Variants in SNX18 observed in about 807,000 individuals in gnomAD.
The protein encoded by SNX18 is sorting nexin 18.
In SNX18, 35 loss-of-function variants were observed where a neutral mutation model predicts 48.7. The observed-to-expected ratio is 0.72, with a 90% CI of 0.55 to 0.95. The LOEUF is 0.95. SNX18 is among the 40% of genes least tolerant of loss of function. SNX18 has a pLI of 0.00. For synonymous variants in SNX18, 492 were observed against 384.7 expected (o/e 1.28, Z -3.26); for missense variants, 824 against 871.0 (o/e 0.95, Z 0.68).
In SNX18 at chr5:54,543,521, A is replaced by C. The variant is rs956326256; in HGVS notation, c.*89A>C. The C allele has an allele frequency of 3.4e-6, 5 of 1,486,322 alleles. No individual in the cohort carries two copies. The highest frequency in any genetic ancestry group is 1.4e-5 in the African/African-American group (1 of 71,656). The allele number at this position is 1,486,322 out of a possible 1,614,324, so 92.1% of individuals were successfully genotyped here. ...TGCTGTCAAAGAGCTATTGCCAGCT[A>C]TCAGTGGTGGTACAAGGACGGTTTT... On this transcript the variant is annotated 3_prime_UTR_variant, in exon 2 of 2. Transcript: ENST00000381410.
the SNX18 span, among the ~76,000 whole-genome samples, chr5:54,624,823 G>A: frequency 1.3e-5 from 2 of 152,164 alleles, no homozygotes; most frequent in Non-Finnish European, 2.9e-5. Flanking sequence ...CTCAAACTCA[G>A]TCTCCAGCAG....
At chr5:54,615,000 A>G in the SNX18 span, among the ~76,000 whole-genome samples, 2 of 152,096 alleles carry the variant, frequency 1.3e-5, no homozygotes, top group African/African-American at 4.8e-5. Flanking sequence ...AACTTGTCCA[A>G]CTCACCCAAC....
At chr5:54,621,572 G>C in the SNX18 span, among the ~76,000 whole-genome samples, 1 of 152,198 alleles carries the variant, frequency 6.6e-6, no homozygotes, top group African/African-American at 2.4e-5. Context: ...TCCCTGTTTA[G>C]TGACCACTGC....
chr5:54,637,679 A>G, the SNX18 span, among the ~76,000 whole-genome samples: 1 of 152,168 alleles, frequency 6.6e-6, no homozygotes, highest in African/African-American at 2.4e-5. Context: ...CTGATAATTT[A>G]TTTTTTAAGC....
the SNX18 span, among the ~76,000 whole-genome samples, chr5:54,640,239 GT>G: frequency 6.6e-6 from 1 of 151,060 alleles, no homozygotes; most frequent in Non-Finnish European, 1.5e-5. Flanking sequence ...GTAAGACAAG[GT>G]TTCACTCTCA....
the SNX18 span, among the ~76,000 whole-genome samples, chr5:54,560,052 G>A: frequency 6.6e-6 from 1 of 152,210 alleles, no homozygotes; most frequent in Non-Finnish European, 1.5e-5. Flanking sequence ...TTCAGCCATT[G>A]TGAAAGACAG....
the SNX18 span, among the ~76,000 whole-genome samples, chr5:54,590,653 T>G: frequency 6.6e-6 from 1 of 152,144 alleles, no homozygotes; most frequent in East Asian, 1.9e-4. Context: ...GCAAACCTAT[T>G]TAGATATCCA....
chr5:54,600,352 A>C, the SNX18 span, among the ~76,000 whole-genome samples: 1 of 152,222 alleles, frequency 6.6e-6, no homozygotes, highest in African/African-American at 2.4e-5. Flanking sequence ...GGTTGCAGAG[A>C]AATAGGGACA....
Position 54,519,275 on chromosome 5 carries a change from C to A in SNX18, c.1323C>A (p.Ser441Arg). The stretch of plus-strand genomic sequence containing the variant: ...GCTTCACCAAGAAGATGGACGACAG[C>A]GCGCTGCAGCTCAACCACACGGCCA... ...FKCFTKKMDD[S>R]ALQLNHTANE... Residue 441 changes from serine to arginine, a missense_variant, in exon 1 of 2, where the codon AGC becomes AGA. Coordinates refer to ENST00000381410, the MANE Select transcript of SNX18 (RefSeq NM_001102575.2). The A allele has an allele frequency of 6.2e-7, 1 of 1,614,138 alleles. No individual in the cohort carries two copies. The highest frequency in any genetic ancestry group is 8.5e-7 in the Non-Finnish European group (1 of 1,180,034).
chr5:54,627,016 T>G, the SNX18 span, among the ~76,000 whole-genome samples: 1 of 152,246 alleles, frequency 6.6e-6, no homozygotes, highest in Non-Finnish European at 1.5e-5. Flanking sequence ...AGCTGTTCAC[T>G]GATGGATTCC....
chr5:54,617,491 T>A, the SNX18 span, among the ~76,000 whole-genome samples: 1 of 152,226 alleles, frequency 6.6e-6, no homozygotes, highest in Admixed American at 6.5e-5. Flanking sequence ...ATTCTCCTTG[T>A]CTGTCAGTGG....
chr5:54,572,756 A>G, the SNX18 span, among the ~76,000 whole-genome samples: 612 of 15,280 alleles, frequency 0.04, 10 homozygotes, highest in African/African-American at 0.092. Context: ...GTGTGTGTGT[A>G]TATATATATA....
the SNX18 span, among the ~76,000 whole-genome samples, chr5:54,568,665 ACTCAGCCCTCTGAGCC>A: frequency 3.3e-5 from 5 of 152,096 alleles, no homozygotes; most frequent in African/African-American, 1.2e-4. Context: ...AAGAGACTAG[ACTCAGCCCTCTGAGCC>A]CTAGTGGGCT....
chr5:54,582,065 TG>T, the SNX18 span, among the ~76,000 whole-genome samples: 2 of 152,178 alleles, frequency 1.3e-5, no homozygotes, highest in Admixed American at 1.3e-4. Flanking sequence ...CTCTATACCC[TG>T]GCAAGGCCTG....
At chr5:54,542,462 G>A (rs892035428) in intron 1 of SNX18, among the ~76,000 whole-genome samples, 4 of 152,142 alleles carry the variant, frequency 2.6e-5, no homozygotes, top group Non-Finnish European at 2.9e-5. Flanking sequence ...TGGGTCTCCC[G>A]ATGCAACGTG....
chr5:54,550,780 T>C (rs1762642361), downstream of SNX18, among the ~76,000 whole-genome samples: 1 of 152,118 alleles, frequency 6.6e-6, no homozygotes, highest in Non-Finnish European at 1.5e-5. Flanking sequence ...AGACGGGGTT[T>C]CACCATGTTG....
the SNX18 span, among the ~76,000 whole-genome samples, chr5:54,600,452 A>G: frequency 1.3e-5 from 2 of 152,212 alleles, no homozygotes; most frequent in African/African-American, 2.4e-5. Flanking sequence ...CAGAAATACC[A>G]TTTGACCCAG....
the SNX18 span, among the ~76,000 whole-genome samples, chr5:54,590,329 C>T: frequency 5.3e-5 from 8 of 152,190 alleles, no homozygotes; most frequent in South Asian, 1.7e-3. Context: ...TAGTTCTAGA[C>T]GGGGGGCATT....
chr5:54,595,777 A>G, the SNX18 span, among the ~76,000 whole-genome samples: 1 of 152,208 alleles, frequency 6.6e-6, no homozygotes, highest in Non-Finnish European at 1.5e-5. Flanking sequence ...ACAATTTTGG[A>G]GGCCAAAAGT....
Sources: gnomAD v4.1 joint callset for allele counts (sites outside exome capture counted in the v4.1 genomes callset) on GRCh38, gnomAD v4.1.1 for gene constraint, MANE v1.5 for transcripts, NCBI Gene and HGNC (gene_info 2026-07-23, HGNC 2026-07-21) for gene names.